Variants in TRAPPC9 observed in about 807,000 individuals in gnomAD.
TRAPPC9 encodes IKK2 binding protein.
In TRAPPC9, 83 loss-of-function variants were observed where a neutral mutation model predicts 124.0. The observed-to-expected ratio is 0.67, with a 90% CI of 0.56 to 0.80. TRAPPC9 has a LOEUF of 0.80. TRAPPC9 is among the 30% of genes least tolerant of loss of function. The probability of loss-of-function intolerance (pLI) is 0.00; values close to 1 mark genes in which losing one functional copy is unlikely to be tolerated. For missense variants in TRAPPC9, 1,302 were observed against 1,508.3 expected (o/e 0.86, Z 2.27); for synonymous variants, 638 against 617.5 (o/e 1.03, Z -0.49).
intron 17 of TRAPPC9, among the ~76,000 whole-genome samples, chr8:140,064,009 C>T (rs1240865045): frequency 6.6e-6 from 1 of 151,950 alleles, no homozygotes; most frequent in Non-Finnish European, 1.5e-5. Context: ...GGCAGTTCCT[C>T]CATGAAGTGA....
intron 21 of TRAPPC9, among the ~76,000 whole-genome samples, chr8:139,736,694 A>ATTACCCTTAACTACCCCTCGG (rs2130003119): frequency 6.6e-6 from 1 of 152,320 alleles, no homozygotes; most frequent in South Asian, 2.1e-4. Context: ...GATGGCGGCG[A>ATTACCCTTAACTACCCCTCGG]TGCTCGCAGC....
chr8:139,743,722 A>G (rs1263218125), intron 21 of TRAPPC9, among the ~76,000 whole-genome samples: 1 of 152,184 alleles, frequency 6.6e-6, no homozygotes, highest in Non-Finnish European at 1.5e-5. Context: ...CCCTTCACCA[A>G]CACCGGGCCA....
intron 18 of TRAPPC9, among the ~76,000 whole-genome samples, chr8:140,003,312 T>C (rs1211837172): frequency 3.3e-5 from 5 of 152,116 alleles, no homozygotes; most frequent in African/African-American, 1.2e-4. Flanking sequence ...CGGTGGCTCA[T>C]GCTTATAATC....
At chr8:140,361,447 C>T (rs1003757475) in intron 8 of TRAPPC9, among the ~76,000 whole-genome samples, 3 of 152,106 alleles carry the variant, frequency 2.0e-5, no homozygotes, top group African/African-American at 7.2e-5. Flanking sequence ...GGGGGCCACG[C>T]CAAACTGTAA....
At chr8:140,017,136 A>G (rs959620361) in intron 18 of TRAPPC9, among the ~76,000 whole-genome samples, 1 of 152,224 alleles carries the variant, frequency 6.6e-6, no homozygotes, top group Admixed American at 6.5e-5. Flanking sequence ...AACTTCATCA[A>G]TAAGATACAA....
intron 19 of TRAPPC9, among the ~76,000 whole-genome samples, chr8:139,964,624 G>C (rs77001053): frequency 6.6e-6 from 1 of 152,050 alleles, no homozygotes; most frequent in Non-Finnish European, 1.5e-5. Context: ...AAGGGACTTC[G>C]GAGGTATTTC....
chr8:140,278,021 C>G (rs570239501), intron 14 of TRAPPC9, among the ~76,000 whole-genome samples: 1 of 152,186 alleles, frequency 6.6e-6, no homozygotes, highest in Non-Finnish European at 1.5e-5. Context: ...CTGTGTCCCC[C>G]GAGCACTCTG....
rs901967651 is a variant in TRAPPC9, at chr8:139,728,659, T to A, written c.*2402A>T. On this transcript the variant is annotated 3_prime_UTR_variant, in exon 23 of 23. Coordinates refer to ENST00000438773, the MANE Select transcript of TRAPPC9 (RefSeq NM_001160372.4). ...AGCACACACAAGGCCTGACTCCAGGTCACCTTCTCTACTGGGACAGAAAGG... is the reference window on the plus strand; with the variant it reads ...AGCACACACAAGGCCTGACTCCAGGACACCTTCTCTACTGGGACAGAAAGG... 1.3e-5 allele frequency among the ~76,000 whole-genome samples: 2 copies of A among 152,144 alleles called. No homozygotes were observed. Among genetic ancestry groups the A allele is most frequent in the African/African-American group, 4.8e-5 (2 of 41,426 alleles).
Position 140,253,921 on chromosome 8 carries a change from C to T in TRAPPC9, c.2279-992G>A, listed in dbSNP as rs185902900. ...GTGTGTAAAATGGGGATAACAATTA[C>T]TGCACCACAGGGTTATTTTACAGAT... On this transcript the variant is annotated intron_variant, in intron 15 of 22. Coordinates refer to ENST00000438773, the MANE Select transcript of TRAPPC9 (RefSeq NM_001160372.4). Among the ~76,000 whole-genome samples the T allele has an allele frequency of 6.3e-3, 965 of 152,244 alleles. 6 individuals carry two copies. The highest frequency in any genetic ancestry group is 9.7e-3 in the Non-Finnish European group (659 of 68,014).
chr8:139,985,212 A>C (rs1837169383), intron 19 of TRAPPC9, among the ~76,000 whole-genome samples: 1 of 152,242 alleles, frequency 6.6e-6, no homozygotes, highest in South Asian at 2.1e-4. Flanking sequence ...GGGATTGTTA[A>C]TGTCATCAGC....
At chr8:139,946,902 G>A (rs377576226) in intron 19 of TRAPPC9, among the ~76,000 whole-genome samples, 3 of 151,970 alleles carry the variant, frequency 2.0e-5, no homozygotes, top group Non-Finnish European at 2.9e-5. Context: ...CAGGAGAATC[G>A]CTTGAACCCA....
chr8:140,410,742 C>A (rs1271500314), intron 5 of TRAPPC9, among the ~76,000 whole-genome samples: 6 of 151,880 alleles, frequency 4.0e-5, no homozygotes, highest in African/African-American at 1.4e-4. Context: ...ACTCGGGAGG[C>A]TGAGGCAGGA....
intron 17 of TRAPPC9, among the ~76,000 whole-genome samples, chr8:140,076,589 T>C (rs1433090937): frequency 6.6e-6 from 1 of 152,230 alleles, no homozygotes; most frequent in Non-Finnish European, 1.5e-5. Flanking sequence ...CCATCCCCTC[T>C]GGGTGCCCAT....
intron 16 of TRAPPC9, among the ~76,000 whole-genome samples, chr8:140,233,595 T>TCTCC (rs1283568459): frequency 3.4e-4 from 43 of 127,554 alleles, no homozygotes; most frequent in African/African-American, 9.8e-4. Context: ...TCTCTCGCTC[T>TCTCC]CTCCCTCCCT....
At chr8:140,055,289 G>A (rs986367748) in intron 17 of TRAPPC9, among the ~76,000 whole-genome samples, 3 of 152,174 alleles carry the variant, frequency 2.0e-5, no homozygotes, top group African/African-American at 7.2e-5. Context: ...CTGCACTGAT[G>A]CAGCAAAAGC....
chr8:140,010,609 T>A (rs977173608), intron 18 of TRAPPC9, among the ~76,000 whole-genome samples: 1 of 152,096 alleles, frequency 6.6e-6, no homozygotes, highest in Non-Finnish European at 1.5e-5. Context: ...TACTCAAAAC[T>A]AAGGAAATTA....
chr8:140,306,708 GC>G (rs1488597653), intron 10 of TRAPPC9, among the ~76,000 whole-genome samples: 33 of 152,132 alleles, frequency 2.2e-4, no homozygotes, highest in African/African-American at 7.2e-4. Context: ...CATATAACCA[GC>G]CCTCTGCATC....
chr8:139,752,602 C>T (rs1486593442), intron 21 of TRAPPC9, among the ~76,000 whole-genome samples: 2 of 151,130 alleles, frequency 1.3e-5, no homozygotes, highest in Admixed American at 1.3e-4. Flanking sequence ...CCACCATTCA[C>T]ACATCCATCT....
intron 8 of TRAPPC9, among the ~76,000 whole-genome samples, chr8:140,368,828 G>A (rs527485236): frequency 5.8e-4 from 88 of 152,218 alleles, no homozygotes; most frequent in Middle Eastern, 3.4e-3. Flanking sequence ...CAGGAGGATC[G>A]CTTCAGCCCA....
Sources: gnomAD v4.1 joint callset for allele counts (sites outside exome capture counted in the v4.1 genomes callset) on GRCh38, gnomAD v4.1.1 for gene constraint, MANE v1.5 for transcripts, NCBI Gene and HGNC (gene_info 2026-07-23, HGNC 2026-07-21) for gene names.